Variants in LRFN5 observed in about 807,000 individuals in gnomAD.
LRFN5 encodes the protein leucine-rich repeat and fibronectin type-III domain-containing protein 5.
LRFN5 carries 24 observed loss-of-function variants against 45.6 expected under a neutral mutation model. The observed-to-expected ratio is 0.53, with a 90% CI of 0.38 to 0.74. The LOEUF is 0.74. Ranked by LOEUF, LRFN5 falls within the 30% of genes least tolerant of loss-of-function variation. The pLI, the probability that LRFN5 is intolerant of heterozygous loss-of-function variation, is 0.00. For missense variants in LRFN5, 776 were observed against 861.5 expected (o/e 0.90, Z 1.24); for synonymous variants, 340 against 313.8 (o/e 1.08, Z -0.88).
chr14:41,812,537 A>G (rs1186307093), intron 2 of LRFN5, among the ~76,000 whole-genome samples: 2 of 151,888 alleles, frequency 1.3e-5, no homozygotes, highest in Admixed American at 1.3e-4. Context: ...AATTATATAT[A>G]CAAAGGCACA....
At chr14:41,630,408 C>T (rs1888493247) in intron 1 of LRFN5, among the ~76,000 whole-genome samples, 1 of 152,042 alleles carries the variant, frequency 6.6e-6, no homozygotes, top group South Asian at 2.1e-4. Flanking sequence ...ATTGCTGATC[C>T]TATTTAAGGG....
At chr14:41,817,506 T>G (rs1027028060) in intron 2 of LRFN5, among the ~76,000 whole-genome samples, 2 of 152,088 alleles carry the variant, frequency 1.3e-5, no homozygotes, top group African/African-American at 2.4e-5. Flanking sequence ...CTCACATGCT[T>G]CTTAGTTCAC....
At chr14:41,769,062 C>T (rs1343907114) in intron 2 of LRFN5, among the ~76,000 whole-genome samples, 15 of 150,588 alleles carry the variant, frequency 1.0e-4, no homozygotes, top group South Asian at 8.4e-4. Context: ...TAATGTCTTG[C>T]GTGAAATTAA....
intron 2 of LRFN5, among the ~76,000 whole-genome samples, chr14:41,809,282 A>G (rs935471756): frequency 6.6e-6 from 1 of 152,148 alleles, no homozygotes; most frequent in Non-Finnish European, 1.5e-5. Context: ...GTTTTCATGA[A>G]AAGTGACTAT....
At chr14:41,682,014 C>A (rs568959799) in intron 1 of LRFN5, among the ~76,000 whole-genome samples, 578 of 151,762 alleles carry the variant, frequency 3.8e-3, no homozygotes, top group Non-Finnish European at 6.0e-3. Context: ...GACAGGGTTT[C>A]ACCATATTGT....
chr14:41,758,209 A>G (rs538391256), intron 1 of LRFN5, among the ~76,000 whole-genome samples: 80 of 152,254 alleles, frequency 5.3e-4, no homozygotes, highest in African/African-American at 1.9e-3. Context: ...CCAAGTTCAT[A>G]ATGAGACACA....
rs1423423244 is a variant in LRFN5 at position 41,840,666 on chromosome 14, A to T, written c.-20-45940A>T. ...TTCCCCTCATCCCTTAAGTAGGGAA[A>T]ATTGTAACCTTGCCATTATATTATT... On this transcript the variant is annotated intron_variant, in intron 2 of 5. Transcript: ENST00000298119. 2.0e-5 allele frequency among the ~76,000 whole-genome samples: 3 copies of T among 152,006 alleles called. No individual in the cohort carries two copies. The East Asian group carries it at 5.8e-4, about 29-fold the overall frequency.
chr14:41,726,789 G>A (rs535621259), intron 1 of LRFN5, among the ~76,000 whole-genome samples: 1 of 152,124 alleles, frequency 6.6e-6, no homozygotes, highest in South Asian at 2.1e-4. Context: ...ACTAAAATGG[G>A]TAATATTTTA....
At chr14:41,894,642 C>T (rs1890882012) in intron 4 of LRFN5, 1 of 984,534 alleles carries the variant, frequency 1.0e-6, no homozygotes, top group African/African-American at 1.8e-5. Context: ...TGTGAAGTGA[C>T]TGAAAAGTAA....
intron 2 of LRFN5, among the ~76,000 whole-genome samples, chr14:41,863,551 C>A (rs552226361): frequency 6.6e-6 from 1 of 152,160 alleles, no homozygotes; most frequent in East Asian, 1.9e-4. Context: ...AGTGCACTGG[C>A]CAATTTCTAC....
At chr14:41,826,228 AG>A (rs1888289781) in intron 2 of LRFN5, among the ~76,000 whole-genome samples, 1 of 152,164 alleles carries the variant, frequency 6.6e-6, no homozygotes, top group East Asian at 1.9e-4. Flanking sequence ...AACTCTTCAG[AG>A]GTTGCTCATT....
At chr14:41,644,930 G>C (rs1409789815) in intron 1 of LRFN5, among the ~76,000 whole-genome samples, 1 of 152,078 alleles carries the variant, frequency 6.6e-6, no homozygotes, top group Non-Finnish European at 1.5e-5. Flanking sequence ...TTAAAACATG[G>C]TTTCTTTTTT....
At position 41,887,646 on chromosome 14, in the gene LRFN5, A is replaced by G; in HGVS notation, c.1021A>G (p.Thr341Ala). 1 of 1,614,228 alleles carries G rather than the reference A, an allele frequency of 6.2e-7. No individual in the cohort carries two copies. The highest frequency in any genetic ancestry group is 1.3e-5 in the African/African-American group (1 of 75,058). ...AAGATCTCTGGTGTATGATAACGGA[A>G]CACTTGACATTCTTATCACAACTGT... ...ATRSLVYDNG[T>A]LDILITTVKD... is the part of the protein sequence containing the mutation. The change falls in exon 3 of 6, where the codon ACA becomes GCA. Residue 341 changes from threonine (T) to alanine (A), a missense_variant. By Grantham distance (58) the Thr-to-Ala change is moderately conservative. Around this residue, in one of 2 missense-constraint regions of LRFN5, gnomAD observed 465 missense variants for 456.4 expected, o/e 1.02. Transcript: ENST00000298119. This position sits in a 1 kb window ranked among gnomAD's most constrained non-coding sequence, Gnocchi z 4.8.
chr14:41,774,360 C>T (rs1594696590), intron 2 of LRFN5, among the ~76,000 whole-genome samples: 1 of 152,168 alleles, frequency 6.6e-6, no homozygotes, highest in Non-Finnish European at 1.5e-5. Flanking sequence ...TCTGTGTAAA[C>T]TGAGGCATCT....
intron 2 of LRFN5, among the ~76,000 whole-genome samples, chr14:41,828,253 T>C (rs866147322): frequency 3.9e-5 from 6 of 152,032 alleles, no homozygotes; most frequent in Middle Eastern, 3.2e-3. Context: ...TTATTGCTGT[T>C]ATTATAGGAT....
chr14:41,711,944 T>C lies in LRFN5; in HGVS notation c.-196-54910T>C, dbSNP rs115723791. ...TTAGGAATTGTATACTATGAAAAAT[T>C]GCCATGAGGATTAGGAAAAGAGCTA... On this transcript the variant is annotated intron_variant, in intron 1 of 5. Transcript: ENST00000298119. 7.1e-3 allele frequency among the ~76,000 whole-genome samples: 1,074 copies of C among 152,234 alleles called. 14 individuals are homozygous for C. The highest frequency in any genetic ancestry group is 0.025 in the African/African-American group (1,033 of 41,544).
At chr14:41,838,164 A>G (rs1002560385) in intron 2 of LRFN5, among the ~76,000 whole-genome samples, 4 of 152,140 alleles carry the variant, frequency 2.6e-5, no homozygotes, top group Non-Finnish European at 4.4e-5. Context: ...ATGTTATTCT[A>G]TTTTGTATTA....
At chr14:41,637,014 G>A (rs1045557968) in intron 1 of LRFN5, among the ~76,000 whole-genome samples, 2 of 152,146 alleles carry the variant, frequency 1.3e-5, no homozygotes, top group Admixed American at 1.3e-4. Context: ...GAATATTGCA[G>A]GCAATTCCTT....
chr14:41,825,790 A>G (rs36024104), intron 2 of LRFN5, among the ~76,000 whole-genome samples: 22,657 of 152,048 alleles, frequency 0.15, 1,838 homozygotes, highest in Non-Finnish European at 0.18. Flanking sequence ...GCTCAGTGCA[A>G]TGCCCTCAAG....
Sources: allele counts gnomAD v4.1 joint callset (sites outside exome capture counted in the v4.1 genomes callset), GRCh38; gene constraint gnomAD v4.1.1; regional missense constraint gnomAD v4.1.1; non-coding constraint Gnocchi (gnomAD v3.1); transcripts MANE v1.5; gene names NCBI Gene and HGNC (gene_info 2026-07-23, HGNC 2026-07-21).